GCNT2: variants seen among roughly 807,000 people sequenced by gnomAD.
GCNT2 encodes the protein N-acetyllactosaminide beta-1,6-N-acetylglucosaminyl-transferase.
GCNT2 carries 34 observed loss-of-function variants against 34.2 expected under a neutral mutation model. That is an observed-to-expected ratio of 1.00 (90% CI 0.76 to 1.32). The LOEUF is 1.32. GCNT2 is among the 40% of genes most tolerant of loss of function. GCNT2 has a pLI of 0.00. For missense variants in GCNT2, 584 were observed against 489.4 expected, an observed-to-expected ratio of 1.19 and a Z score of -1.82; for synonymous variants, 212 against 188.0, an observed-to-expected ratio of 1.13 and a Z score of -1.04.
At position 10,529,740 on chromosome 6, in the gene GCNT2, G is replaced by C. The variant is rs751289332; in HGVS notation, c.829G>C (p.Val277Leu). ...VALTRDFANF[V>L]LQDQLALDLL... ...TCTCACAAGGGACTTTGCTAACTTC[G>C]TCCTCCAAGACCAGCTCGCACTTGA... The change falls in exon 3 of 5, where the codon GTC (valine) becomes CTC (leucine). Residue 277 changes from valine to leucine, a missense_variant. Coordinates refer to ENST00000495262, the MANE Select transcript of GCNT2 (RefSeq NM_145649.5). 8.1e-6 allele frequency: 13 copies of C among 1,614,028 alleles called. No homozygotes were observed. The highest frequency in any genetic ancestry group is 1.1e-5 in the Non-Finnish European group (13 of 1,179,980).
chr6:10,586,517 C>T (rs760050431), intron 3 of GCNT2: 3 of 1,614,174 alleles, frequency 1.9e-6, no homozygotes, highest in African/African-American at 1.3e-5. Context: ...GTCTGAAAGA[C>T]CTTGTCGCCT....
In GCNT2 at chr6:10,626,699, C is replaced by T. The variant is rs1450612099; in HGVS notation, c.*92C>T. 16 of 876,550 alleles carry T rather than the reference C, an allele frequency of 1.8e-5. No individual in the cohort carries two copies. The highest frequency in any genetic ancestry group is 5.7e-5 in the Admixed American group (3 of 53,006). The allele number at this position is 876,550 out of a possible 1,614,324, so 54.3% of individuals were successfully genotyped here. On this transcript the variant is annotated 3_prime_UTR_variant, in exon 5 of 5. Transcript: ENST00000495262. ...AGACTTTTGCCTTCGTAATGTTAAC[C>T]GTTTCAGGACCACGTTTATAGCTTC...
At chr6:10,606,566 G>A (rs754329171) in intron 3 of GCNT2, among the ~76,000 whole-genome samples, 6 of 61,680 alleles carry the variant, frequency 9.7e-5, no homozygotes, top group Non-Finnish European at 1.7e-4. Context: ...TTTTAAAAAT[G>A]AGTTTTTTCT....
intron 3 of GCNT2, among the ~76,000 whole-genome samples, chr6:10,569,271 A>ACACACACC (rs1561806901): frequency 1.4e-5 from 2 of 142,470 alleles, no homozygotes; most frequent in African/African-American, 5.3e-5. Flanking sequence ...ACACACACAC[A>ACACACACC]CACCCCCTAG....
chr6:10,625,228 TG>T (rs1044779135), intron 4 of GCNT2, among the ~76,000 whole-genome samples: 10 of 152,214 alleles, frequency 6.6e-5, no homozygotes, highest in African/African-American at 2.2e-4. Flanking sequence ...GTGTTATTAC[TG>T]CAGCCTCTTG....
chr6:10,577,608 T>G (rs1288902698), intron 3 of GCNT2, among the ~76,000 whole-genome samples: 2 of 152,178 alleles, frequency 1.3e-5, no homozygotes, highest in Non-Finnish European at 2.9e-5. Flanking sequence ...TGGCATGATC[T>G]CGGCTCCCTG....
intron 3 of GCNT2, among the ~76,000 whole-genome samples, chr6:10,537,269 G>A (rs529872859): frequency 3.9e-5 from 6 of 152,186 alleles, no homozygotes; most frequent in African/African-American, 9.6e-5. Context: ...TTTGTTCTTC[G>A]GGCATTCTGT....
intron 3 of GCNT2, among the ~76,000 whole-genome samples, chr6:10,601,401 A>G (rs1045024677): frequency 1.3e-5 from 2 of 152,180 alleles, no homozygotes; most frequent in East Asian, 3.8e-4. Context: ...TCCCACTTTT[A>G]TTCTGAAAAC....
chr6:10,596,478 G>A lies in GCNT2; in HGVS notation c.926-24873G>A, dbSNP rs559982559. On this transcript the variant is annotated intron_variant, in intron 3 of 4. Coordinates refer to ENST00000495262, the MANE Select transcript of GCNT2 (RefSeq NM_145649.5). Reference sequence around the variant, plus strand: ...GGAGGTTGCAGTGAGCTGAGATTGCGCCACTGCACTCCAGGCTGGGCAAGA... The same window carrying A: ...GGAGGTTGCAGTGAGCTGAGATTGCACCACTGCACTCCAGGCTGGGCAAGA... Among the ~76,000 whole-genome samples the A allele has an allele frequency of 1.1e-4, 16 of 151,750 alleles. No individual in the cohort carries two copies. The East Asian group carries it at 2.5e-3, about 24-fold the overall frequency.
At chr6:10,611,182 T>C (rs1325304652) in intron 3 of GCNT2, among the ~76,000 whole-genome samples, 2 of 151,178 alleles carry the variant, frequency 1.3e-5, no homozygotes, top group Admixed American at 6.6e-5. Context: ...TCCAGGAGTT[T>C]GACAGCCTGG....
rs545491917 is a variant in GCNT2 at position 10,556,193 on chromosome 6, G to T, written c.925+26357G>T. ...GGCTGGGCTTCAGCAACCTGCCACG[G>T]GGATTTAAACAAAGGAGGTTTGAGA... On this transcript the variant is annotated intron_variant, in intron 3 of 4. Transcript: ENST00000495262. 664 of 1,401,084 alleles carry T rather than the reference G, an allele frequency of 4.7e-4. 1 individual carries two copies. The highest frequency in any genetic ancestry group is 5.9e-4 in the Non-Finnish European group (638 of 1,081,382). The allele number at this position is 1,401,084 out of a possible 1,614,324, so 86.8% of individuals were successfully genotyped here. A position where few individuals can be genotyped will look rare whatever the true frequency, so the allele number is the denominator to read the frequency against.
chr6:10,593,804 C>T (rs1487681791), intron 3 of GCNT2, among the ~76,000 whole-genome samples: 1 of 152,162 alleles, frequency 6.6e-6, no homozygotes, highest in African/African-American at 2.4e-5. Context: ...AAATACATAT[C>T]TCTTCCCTAT....
chr6:10,544,907 T>C (rs1202029976), intron 3 of GCNT2, among the ~76,000 whole-genome samples: 1 of 151,846 alleles, frequency 6.6e-6, no homozygotes, highest in African/African-American at 2.4e-5. Context: ...ATTGTGCCAC[T>C]GCACCCCAGC....
rs1047062059 is a variant in GCNT2, at chr6:10,627,027, C to T, written c.*420C>T. The T allele has an allele frequency of 2.2e-5, 4 of 179,648 alleles. No homozygotes were observed. The highest frequency in any genetic ancestry group is 4.7e-5 in the African/African-American group (2 of 42,176). The allele number at this position is 179,648 out of a possible 1,614,324, so 11.1% of individuals were successfully genotyped here. A position where few individuals can be genotyped will look rare whatever the true frequency, so the allele number is the denominator to read the frequency against. ...GAATCTTTTATAACACCTTAACAGT[C>T]ACCACTGTGCTCAACCAGACAGATA... On this transcript the variant is annotated 3_prime_UTR_variant, in exon 5 of 5. Transcript: ENST00000495262.
intron 3 of GCNT2, among the ~76,000 whole-genome samples, chr6:10,594,947 G>C (rs757251689): frequency 2.7e-5 from 4 of 147,628 alleles, no homozygotes; most frequent in Non-Finnish European, 4.4e-5. Flanking sequence ...CCAGGCTCAA[G>C]CAATTCTCCC....
Position 10,586,710 on chromosome 6 carries a change from G to A in GCNT2, c.926-34641G>A, listed in dbSNP as rs762663141. The A allele has an allele frequency of 2.5e-6, 4 of 1,613,996 alleles. 1 individual carries two copies. The South Asian group carries it at 4.4e-5, about 18-fold the overall frequency. The stretch of plus-strand genomic sequence containing the variant: ...CCACCAAGAGCATACAGATAAAGGT[G>A]GCTTTTTTGTGAAAAATACTAATAT... On this transcript the variant is annotated intron_variant, in intron 3 of 4. Coordinates refer to ENST00000495262, the MANE Select transcript of GCNT2 (RefSeq NM_145649.5).
chr6:10,586,449 T>C (rs1446070344), intron 3 of GCNT2: 1 of 1,614,210 alleles, frequency 6.2e-7, no homozygotes, highest in Middle Eastern at 1.6e-4. Flanking sequence ...TTTCATTGCT[T>C]CAAAGACAGA....
intron 3 of GCNT2, among the ~76,000 whole-genome samples, chr6:10,542,004 A>G (rs1223704382): frequency 6.6e-6 from 1 of 152,250 alleles, no homozygotes; most frequent in South Asian, 2.1e-4. Flanking sequence ...GCGAGCCTCA[A>G]CCAACACAAA....
In GCNT2 at chr6:10,583,943, C is replaced by G. The variant is rs146698257; in HGVS notation, c.926-37408C>G. Among the ~76,000 whole-genome samples, 999 of 152,210 alleles carry G rather than the reference C, an allele frequency of 6.6e-3. 14 individuals carry two copies. The highest frequency in any genetic ancestry group is 0.023 in the African/African-American group (938 of 41,518). ...ACTTAGGTGTGTTTGATGAAGGGAG[C>G]CTGCCTCTCCACTCCTGTGGGTATT... On this transcript the variant is annotated intron_variant, in intron 3 of 4. Transcript: ENST00000495262.
Sources: gnomAD v4.1 joint callset for allele counts (sites outside exome capture counted in the v4.1 genomes callset) on GRCh38, gnomAD v4.1.1 for gene constraint, MANE v1.5 for transcripts, NCBI Gene and HGNC (gene_info 2026-07-23, HGNC 2026-07-21) for gene names.